Variants in UBR2 observed in about 807,000 individuals in gnomAD.
UBR2 encodes ubiquitin protein ligase E3 component n-recognin 2, also known as E3 ubiquitin-protein ligase UBR2.
In UBR2, 92 loss-of-function variants were observed where a neutral mutation model predicts 247.9. That is an observed-to-expected ratio of 0.37 (90% CI 0.31 to 0.44). UBR2 has a LOEUF of 0.44. Ranked by LOEUF, UBR2 falls within the 20% of genes least tolerant of loss-of-function variation. UBR2 has a pLI of 1.00. For missense variants in UBR2, 1,613 were observed against 2,112.6 expected (o/e 0.76, Z 4.64); for synonymous variants, 672 against 693.5 (o/e 0.97, Z 0.49).
chr6:42,677,742 G>C (rs1798796888), intron 40 of UBR2, among the ~76,000 whole-genome samples: 1 of 152,188 alleles, frequency 6.6e-6, no homozygotes. Flanking sequence ...CTGCACTCCA[G>C]ACTGGACAAA....
rs756348706 is a variant in UBR2, at chr6:42,650,413, AG to A, written c.2565+30del. On this transcript the variant is annotated intron_variant, in intron 23 of 46. Transcript: ENST00000372901. ...TAATTGGGAAAATTAAAAATGTAGC[AG>A]GGAAGGATTGCATTGTTTTTCTTAA... 16 of 1,572,882 alleles carry A rather than the reference AG, an allele frequency of 1.0e-5. No individual in the cohort carries two copies. In the Admixed American group the frequency reaches 2.0e-4, roughly 20 times the overall value.
intron 30 of UBR2, 65 bp from the exon 31 acceptor site, chr6:42,662,119 C>T (rs1369270969): frequency 3.8e-6 from 4 of 1,042,270 alleles, no homozygotes; most frequent in South Asian, 2.8e-5. Context: ...TTTAAAGTTA[C>T]ACATTTGTTA....
At chr6:42,607,023 T>G (rs1275979066) in intron 7 of UBR2, among the ~76,000 whole-genome samples, 1 of 152,188 alleles carries the variant, frequency 6.6e-6, no homozygotes, top group Non-Finnish European at 1.5e-5. Context: ...TGGCAAAATA[T>G]ATTCCATATC....
intron 11 of UBR2, among the ~76,000 whole-genome samples, chr6:42,622,960 C>G (rs141809599): frequency 1.7e-3 from 256 of 152,116 alleles, no homozygotes; most frequent in African/African-American, 6.0e-3. Context: ...AGCCACTGTG[C>G]CCAGCCAGTT....
intron 44 of UBR2, 68 bp downstream of exon 44, chr6:42,684,939 G>A (rs1799291272): frequency 7.7e-7 from 1 of 1,300,020 alleles, no homozygotes; most frequent in Non-Finnish European, 1.1e-6. Context: ...GAATTTGAAG[G>A]ATTTTGTTGT....
At chr6:42,620,907 C>T (rs1017326611) in intron 11 of UBR2, among the ~76,000 whole-genome samples, 3 of 151,838 alleles carry the variant, frequency 2.0e-5, no homozygotes, top group Non-Finnish European at 4.4e-5. Context: ...CGGGTTCAAG[C>T]GATTCTCCTT....
At chr6:42,664,628 G>A (rs977533207) in intron 32 of UBR2, among the ~76,000 whole-genome samples, 1 of 152,236 alleles carries the variant, frequency 6.6e-6, no homozygotes, top group Non-Finnish European at 1.5e-5. Context: ...AGATTTGAGT[G>A]TAAGCTCATG....
intron 11 of UBR2, among the ~76,000 whole-genome samples, chr6:42,630,037 T>C (rs777638059): frequency 6.5e-4 from 99 of 152,048 alleles, no homozygotes; most frequent in Non-Finnish European, 1.3e-3. Context: ...GCTGGAACTA[T>C]AGACAGGAGC....
At chr6:42,565,128 G>A (rs1790702772) in intron 1 of UBR2, among the ~76,000 whole-genome samples, 1 of 152,206 alleles carries the variant, frequency 6.6e-6, no homozygotes, top group Non-Finnish European at 1.5e-5. Context: ...TAAGCTAAAC[G>A]TGAGAACTGG....
intron 36 of UBR2, among the ~76,000 whole-genome samples, chr6:42,671,138 T>TTG (rs1264155603): frequency 4.0e-5 from 6 of 148,242 alleles, no homozygotes; most frequent in South Asian, 2.1e-4. Flanking sequence ...TGAGCTGAGA[T>TTG]TGTGCCATTG....
intron 8 of UBR2, among the ~76,000 whole-genome samples, chr6:42,614,340 G>A (rs1562311577): frequency 4.8e-5 from 4 of 83,912 alleles, no homozygotes; most frequent in Non-Finnish European, 7.5e-5. Context: ...ATATGTGTAT[G>A]TGTGTATGTA....
At position 42,689,471 on chromosome 6, in the gene UBR2, T is replaced by G; in HGVS notation, c.5025-98T>G. The G allele has an allele frequency of 8.6e-7, 1 of 1,168,086 alleles. No homozygotes were observed. The highest frequency in any genetic ancestry group is 1.3e-6 in the Non-Finnish European group (1 of 787,126). 72.4% of individuals were successfully genotyped at this position (1,168,086 alleles called of 1,614,324 possible). ...GGATAACTTCCTCCTAATAGTGGTTTAAATATCAGTACTATAAGACTTCAT... is the reference window on the plus strand; with the variant it reads ...GGATAACTTCCTCCTAATAGTGGTTGAAATATCAGTACTATAAGACTTCAT... On this transcript the variant is annotated intron_variant, in intron 45 of 46. Coordinates refer to ENST00000372901, the MANE Select transcript of UBR2 (RefSeq NM_001363705.2). This position sits in a 1 kb window ranked among gnomAD's most constrained non-coding sequence, Gnocchi z 4.0.
chr6:42,667,228 T>G (rs1295796629), intron 34 of UBR2, among the ~76,000 whole-genome samples: 2 of 151,144 alleles, frequency 1.3e-5, no homozygotes, highest in African/African-American at 4.9e-5. Context: ...CCCAGCTACT[T>G]GGGGGGCTGA....
At chr6:42,569,655 C>T (rs1300084399) in intron 1 of UBR2, among the ~76,000 whole-genome samples, 2 of 152,032 alleles carry the variant, frequency 1.3e-5, no homozygotes, top group Non-Finnish European at 2.9e-5. Flanking sequence ...GTTGCTTATC[C>T]TTGTTTGAAA....
At chr6:42,641,971 A>G (rs1421296970) in intron 17 of UBR2, among the ~76,000 whole-genome samples, 2 of 152,210 alleles carry the variant, frequency 1.3e-5, no homozygotes, top group Non-Finnish European at 2.9e-5. Context: ...GATTTTATCT[A>G]TTTAAATCAA....
intron 20 of UBR2, 96 bp from the exon 21 acceptor site, chr6:42,645,362 CAGACTTAG>C (rs1413033946): frequency 9.1e-7 from 1 of 1,102,348 alleles, no homozygotes; most frequent in Non-Finnish European, 1.3e-6. Context: ...ATTGCTCAGA[CAGACTTAG>C]AGAAATATAA....
chr6:42,689,443 A>T lies in UBR2; in HGVS notation c.5025-126A>T. On this transcript the variant is annotated intron_variant, in intron 45 of 46. Coordinates refer to ENST00000372901, the MANE Select transcript of UBR2 (RefSeq NM_001363705.2). This position sits in a 1 kb window ranked among gnomAD's most constrained non-coding sequence, Gnocchi z 4.0. ...TTTCCTAGTTTGTGCACAATTTTTTAATGGATAACTTCCTCCTAATAGTGG... is the reference window on the plus strand; with the variant it reads ...TTTCCTAGTTTGTGCACAATTTTTTTATGGATAACTTCCTCCTAATAGTGG... 1 of 932,506 alleles carries T rather than the reference A, an allele frequency of 1.1e-6. No individual in the cohort carries two copies. Among genetic ancestry groups the T allele is most frequent in the Non-Finnish European group, 1.7e-6 (1 of 593,304 alleles). The allele number at this position is 932,506 out of a possible 1,614,324, so 57.8% of individuals were successfully genotyped here.
At chr6:42,666,765 G>C (rs905758210) in intron 34 of UBR2, among the ~76,000 whole-genome samples, 1 of 152,052 alleles carries the variant, frequency 6.6e-6, no homozygotes, top group African/African-American at 2.4e-5. Flanking sequence ...AGTAACCCAG[G>C]ATTAAAACCA....
chr6:42,645,481 C>T lies in UBR2; in HGVS notation c.2300C>T (p.Pro767Leu). 6.2e-7 allele frequency: 1 copy of T among 1,613,466 alleles called. No homozygotes were observed. The highest frequency in any genetic ancestry group is 8.5e-7 in the Non-Finnish European group (1 of 1,179,710). Residue 767 changes from proline (P) to leucine (L), a missense_variant, in exon 21 of 47, where the codon CCT becomes CTT. By Grantham distance (98) the Pro-to-Leu change is moderately conservative. This residue lies in a region of UBR2 where 1,524 missense variants were observed against 1,967.3 expected (regional missense o/e 0.77). Coordinates refer to ENST00000372901, the MANE Select transcript of UBR2 (RefSeq NM_001363705.2). ...IIMLVGERFS[P>L]GVGQVNATDE... ...TTTTTGACAGGAGAGAGATTTAGTC[C>T]TGGAGTTGGACAGGTAAATGCTACA...
Sources: gnomAD v4.1 joint callset for allele counts (sites outside exome capture counted in the v4.1 genomes callset) on GRCh38, gnomAD v4.1.1 for gene constraint, gnomAD v4.1.1 regional missense constraint, Gnocchi (gnomAD v3.1) non-coding constraint, MANE v1.5 for transcripts, NCBI Gene and HGNC (gene_info 2026-07-23, HGNC 2026-07-21) for gene names.